Variants in ZSWIM5 observed in about 807,000 individuals in gnomAD.
ZSWIM5 encodes the protein zinc finger SWIM-type containing 5, also known as zinc finger SWIM domain-containing protein 5.
In ZSWIM5, 55 loss-of-function variants were observed where a neutral mutation model predicts 119.6. The observed-to-expected ratio is 0.46, with a 90% CI of 0.37 to 0.58. The LOEUF is 0.58. ZSWIM5 is among the 20% of genes least tolerant of loss of function. The pLI, the probability that ZSWIM5 is intolerant of heterozygous loss-of-function variation, is 0.00. For missense variants in ZSWIM5, 1,193 were observed against 1,512.8 expected (o/e 0.79, Z 3.51); for synonymous variants, 537 against 606.9 (o/e 0.88, Z 1.69).
Position 45,205,986 on chromosome 1 carries a change from C to T in ZSWIM5, c.365G>A (p.Gly122Asp), listed in dbSNP as rs1263417222. 1 of 1,455,278 alleles carries T rather than the reference C, an allele frequency of 6.9e-7. No homozygotes were observed. The allele number at this position is 1,455,278 out of a possible 1,614,324, so 90.1% of individuals were successfully genotyped here. Reference sequence around the variant, plus strand: ...CGCGGCGCCGCCAGCAGCGCCGGCGCCGGGGCCGCCCCGGTACTGGAAGCT... The same window carrying T: ...CGCGGCGCCGCCAGCAGCGCCGGCGTCGGGGCCGCCCCGGTACTGGAAGCT... ...YSSFQYRGGP[G>D]AGAAGGAAGA... The change falls in exon 1 of 14, where the codon GGC becomes GAC. Residue 122 changes from glycine to aspartate, a missense_variant. By Grantham distance (94) the Gly-to-Asp change is moderately conservative. Around this residue, in one of 2 missense-constraint regions of ZSWIM5, gnomAD observed 232 missense variants for 222.9 expected, o/e 1.04. Transcript: ENST00000359600.
intron 1 of ZSWIM5, among the ~76,000 whole-genome samples, chr1:45,101,980 G>A (rs1307028512): frequency 6.6e-6 from 1 of 151,298 alleles, no homozygotes; most frequent in African/African-American, 2.4e-5. Context: ...CATGGCACAT[G>A]TATACCTATG....
At chr1:45,026,291 TC>T (rs1644920206) in intron 11 of ZSWIM5, among the ~76,000 whole-genome samples, 1 of 152,152 alleles carries the variant, frequency 6.6e-6, no homozygotes, top group African/African-American at 2.4e-5. Flanking sequence ...CATCTTGGCC[TC>T]CCAAAGTGCT....
At chr1:45,042,262 T>C (rs746035139) in intron 6 of ZSWIM5, among the ~76,000 whole-genome samples, 27 of 152,212 alleles carry the variant, frequency 1.8e-4, no homozygotes, top group Non-Finnish European at 1.6e-4. Context: ...CCTAGCTCCA[T>C]GTAACCTCTC....
At chr1:45,167,345 T>A (rs889762213) in intron 1 of ZSWIM5, among the ~76,000 whole-genome samples, 107 of 151,862 alleles carry the variant, frequency 7.0e-4, no homozygotes, top group African/African-American at 2.4e-3. Flanking sequence ...AAGACTTAAA[T>A]GTTAGACCCA....
At chr1:45,133,276 T>C (rs1345822642) in intron 1 of ZSWIM5, among the ~76,000 whole-genome samples, 1 of 152,214 alleles carries the variant, frequency 6.6e-6, no homozygotes, top group African/African-American at 2.4e-5. Flanking sequence ...ACAGCACCTG[T>C]TGTTTCCTGA....
chr1:45,185,476 G>A (rs1268575909), intron 1 of ZSWIM5, among the ~76,000 whole-genome samples: 3 of 151,964 alleles, frequency 2.0e-5, no homozygotes, highest in South Asian at 2.1e-4. Flanking sequence ...CTACAGAATG[G>A]GAGAAAATTT....
chr1:45,150,094 C>T (rs1385947731), intron 1 of ZSWIM5, among the ~76,000 whole-genome samples: 1 of 149,700 alleles, frequency 6.7e-6, no homozygotes, highest in Non-Finnish European at 1.5e-5. Flanking sequence ...TGTTTGAGCC[C>T]AGGAGTTCGA....
chr1:45,061,180 A>C (rs1645150057), intron 2 of ZSWIM5, among the ~76,000 whole-genome samples: 1 of 152,306 alleles, frequency 6.6e-6, no homozygotes, highest in South Asian at 2.1e-4. Context: ...AGTTGAATCC[A>C]AAGCTGTATC....
intron 2 of ZSWIM5, among the ~76,000 whole-genome samples, chr1:45,068,570 A>C (rs772301706): frequency 1.3e-5 from 2 of 151,946 alleles, no homozygotes; most frequent in Non-Finnish European, 2.9e-5. Flanking sequence ...CCTCAAGGAC[A>C]TGAAGGTGTT....
chr1:45,089,931 G>C (rs1645354659), intron 1 of ZSWIM5, among the ~76,000 whole-genome samples: 1 of 152,184 alleles, frequency 6.6e-6, no homozygotes, highest in African/African-American at 2.4e-5. Context: ...CAAAGGTGAG[G>C]CTAATTTCAC....
rs1034104180 is a variant in ZSWIM5 at position 45,198,119 on chromosome 1, C to T, written c.595+7637G>A. Among the ~76,000 whole-genome samples the T allele has an allele frequency of 2.6e-4, 40 of 152,246 alleles. 2 individuals are homozygous for T. The highest frequency in any genetic ancestry group is 1.4e-3 in the Admixed American group (21 of 15,284). ...AAACAACAGACAATATCATAGACAT[C>T]TCAATTTGTACAGCTTACACAATTC... On this transcript the variant is annotated intron_variant, in intron 1 of 13. Transcript: ENST00000359600.
chr1:45,052,769 A>G (rs12117855), intron 4 of ZSWIM5, among the ~76,000 whole-genome samples: 31 of 143,708 alleles, frequency 2.2e-4, no homozygotes, highest in Admixed American at 5.6e-4. Flanking sequence ...AAAAAAAAAA[A>G]GAAAAAACCC....
At chr1:45,158,714 T>G (rs920271253) in intron 1 of ZSWIM5, among the ~76,000 whole-genome samples, 2 of 152,194 alleles carry the variant, frequency 1.3e-5, no homozygotes, top group South Asian at 2.1e-4. Flanking sequence ...TAAATGTCAG[T>G]TCTATAATGT....
intron 1 of ZSWIM5, among the ~76,000 whole-genome samples, chr1:45,153,984 C>T (rs1645812739): frequency 6.6e-6 from 1 of 152,094 alleles, no homozygotes; most frequent in Admixed American, 6.6e-5. Context: ...ATCAAGAACT[C>T]AGCCGCTTTT....
At chr1:45,140,479 G>T (rs1645720044) in intron 1 of ZSWIM5, among the ~76,000 whole-genome samples, 1 of 151,972 alleles carries the variant, frequency 6.6e-6, no homozygotes, top group Admixed American at 6.6e-5. Flanking sequence ...AATCACAAAA[G>T]ATAATAAAAA....
At chr1:45,027,516 C>T (rs1644927778) in intron 11 of ZSWIM5, among the ~76,000 whole-genome samples, 1 of 151,988 alleles carries the variant, frequency 6.6e-6, no homozygotes, top group South Asian at 2.1e-4. Context: ...TCTGCCTCAG[C>T]CTCCTGAGTA....
In ZSWIM5 at chr1:45,169,423, C is replaced by T. The variant is rs74070881; in HGVS notation, c.595+36333G>A. On this transcript the variant is annotated intron_variant, in intron 1 of 13. Coordinates refer to ENST00000359600, the MANE Select transcript of ZSWIM5 (RefSeq NM_020883.2). ...CATAAAAGAGACAAAGATATCATTA[C>T]TTAAAAAAGATATGTAACTTAATCA... Among the ~76,000 whole-genome samples the T allele has an allele frequency of 6.7e-3, 1,018 of 152,096 alleles. 13 individuals are homozygous for T. The highest frequency in any genetic ancestry group is 0.022 in the African/African-American group (909 of 41,514).
chr1:45,045,502 A>T (rs1410963837), intron 5 of ZSWIM5, among the ~76,000 whole-genome samples: 1 of 152,214 alleles, frequency 6.6e-6, no homozygotes, highest in East Asian at 1.9e-4. Context: ...CCCATTGGGT[A>T]CAGGCTCAGA....
chr1:45,120,277 G>A (rs1259114466), intron 1 of ZSWIM5, among the ~76,000 whole-genome samples: 1 of 152,196 alleles, frequency 6.6e-6, no homozygotes, highest in East Asian at 1.9e-4. Context: ...CCCGGAGGGG[G>A]AGGTCGCAGT....
Sources: gnomAD v4.1 joint callset for allele counts (sites outside exome capture counted in the v4.1 genomes callset) on GRCh38, gnomAD v4.1.1 for gene constraint, gnomAD v4.1.1 regional missense constraint, MANE v1.5 for transcripts, NCBI Gene and HGNC (gene_info 2026-07-23, HGNC 2026-07-21) for gene names.